Variants in PITPNM1 observed in about 807,000 individuals in gnomAD.
PITPNM1 encodes the protein membrane-associated phosphatidylinositol transfer protein 1.
PITPNM1 carries 74 observed loss-of-function variants against 133.3 expected under a neutral mutation model. The observed-to-expected ratio is 0.56, with a 90% CI of 0.46 to 0.67. The LOEUF (loss-of-function observed/expected upper bound fraction) is 0.67. PITPNM1 is among the 30% of genes least tolerant of loss of function. The pLI is 0.00. For missense variants in PITPNM1, 1,398 were observed against 1,739.5 expected (o/e 0.80, Z 3.49); for synonymous variants, 738 against 741.4 (o/e 1.00, Z 0.08).
chr11:67,502,332 G>A lies in PITPNM1; in HGVS notation c.375C>T (p.Val125=), dbSNP rs1347296935. The A allele has an allele frequency of 4.3e-6, 7 of 1,613,582 alleles. No homozygotes were observed. Among genetic ancestry groups the A allele is most frequent in the Non-Finnish European group, 5.9e-6 (7 of 1,180,038 alleles). The stretch of plus-strand genomic sequence containing the variant: ...TCCTCTCGGCCCCGCTCAGGTTGAA[G>A]ACGTTTGGCTGCTGCCCCCCATCAG... ...YLPDGGQQPN[V]FNLSGAERRQ... The change falls in exon 4 of 24, where the codon GTC becomes GTT. Residue 125 remains valine (V), a synonymous_variant. Transcript: ENST00000356404. The surrounding 1 kb of genome is among the most constrained non-coding windows in gnomAD (Gnocchi z 5.9).
chr11:67,492,812 G>T, intron 23 of PITPNM1, 122 bp downstream of exon 23: 1 of 1,280,368 alleles, frequency 7.8e-7, no homozygotes, highest in Non-Finnish European at 1.1e-6. Context: ...GAGGATCCCA[G>T]GTTCCCTGGA....
In PITPNM1 at chr11:67,500,095, C is replaced by T. The variant is rs1430308761; in HGVS notation, c.967G>A (p.Gly323Arg). The change falls in exon 6 of 24, where the codon GGG (glycine) becomes AGG (arginine). Residue 323 changes from glycine (G) to arginine (R), a missense_variant and splice_region_variant. Physicochemically the swap from Gly to Arg is moderately radical, Grantham distance 125. Around this residue, in one of 5 missense-constraint regions of PITPNM1, gnomAD observed 195 missense variants for 178.8 expected, o/e 1.09. Coordinates refer to ENST00000356404, the MANE Select transcript of PITPNM1 (RefSeq NM_004910.3). ...SRSSYSSQHG[G>R]AVSPQSLSEW... ...TCCCATCCCTGTGCCCCAGCCTCAC[C>T]TCCATGTTGGGATGAGTAGGAGGAA... 4 of 1,597,464 alleles carry T rather than the reference C, an allele frequency of 2.5e-6. No individual in the cohort carries two copies. Among genetic ancestry groups the T allele is most frequent in the Non-Finnish European group, 3.4e-6 (4 of 1,169,030 alleles).
Position 67,496,288 on chromosome 11 carries a change from C to T in PITPNM1, c.2207G>A (p.Cys736Tyr). Residue 736 changes from cysteine to tyrosine, a missense_variant, in exon 15 of 24, where the codon TGC (cysteine) becomes TAC (tyrosine). Around this residue, in one of 5 missense-constraint regions of PITPNM1, gnomAD observed 574 missense variants for 698.7 expected, o/e 0.82. Transcript: ENST00000356404. ...IYNLFHAADP[C>Y]ASRLEPLLAP... is the part of the protein sequence containing the mutation. ...CAGCAGGGGCTCGAGGCGTGAGGCG[C>T]AGGGGTCAGCCGCGTGGAAGAGGTT... is the stretch of plus-strand genomic sequence containing the variant. 1 of 1,577,150 alleles carries T rather than the reference C, an allele frequency of 6.3e-7. No individual in the cohort carries two copies. Among genetic ancestry groups the T allele is most frequent in the Non-Finnish European group, 8.6e-7 (1 of 1,166,612 alleles).
chr11:67,500,247 C>T lies in PITPNM1; in HGVS notation c.815G>A (p.Gly272Glu), dbSNP rs140119237. The T allele has an allele frequency of 3.8e-5, 61 of 1,606,148 alleles. No individual in the cohort carries two copies. Among genetic ancestry groups the T allele is most frequent in the Non-Finnish European group, 4.9e-5 (58 of 1,179,814 alleles). Residue 272 changes from glycine to glutamate, a missense_variant, in exon 6 of 24, where the codon GGG becomes GAG. By Grantham distance (98) the Gly-to-Glu change is moderately conservative. This residue lies in a region of PITPNM1 where 195 missense variants were observed against 178.8 expected (regional missense o/e 1.09). Coordinates refer to ENST00000356404, the MANE Select transcript of PITPNM1 (RefSeq NM_004910.3). Reference sequence around the variant, plus strand: ...AGACCGGGCCTCGGTGCTCGGTTTCCCGGGGGGCTGGGCCTCGGACCCCTC... The same window carrying T: ...AGACCGGGCCTCGGTGCTCGGTTTCTCGGGGGGCTGGGCCTCGGACCCCTC... The part of the protein sequence containing the change: ...GSEGSEAQPP[G>E]KPSTEARSAA...
Position 67,502,726 on chromosome 11 carries a change from C to T in PITPNM1, c.79-8G>A. The T allele has an allele frequency of 6.2e-7, 1 of 1,610,354 alleles. No individual in the cohort carries two copies. The highest frequency in any genetic ancestry group is 8.5e-7 in the Non-Finnish European group (1 of 1,177,672). On this transcript the variant is annotated splice_polypyrimidine_tract_variant and splice_region_variant and intron_variant, in intron 2 of 23. Transcript: ENST00000356404. The surrounding 1 kb of genome is among the most constrained non-coding windows in gnomAD (Gnocchi z 5.9). ...CTCCTCCCGGCTCTTTTTCTGTGGCCCAAGGGAGAGCAGGACAGGGAGCTC... is the reference window on the plus strand; with the variant it reads ...CTCCTCCCGGCTCTTTTTCTGTGGCTCAAGGGAGAGCAGGACAGGGAGCTC...
rs1288352820 is a variant in PITPNM1, at chr11:67,498,754, G to A, written c.1326C>T (p.Gly442=). The A allele has an allele frequency of 2.5e-6, 4 of 1,611,670 alleles. No individual in the cohort carries two copies. Among genetic ancestry groups the A allele is most frequent in the Non-Finnish European group, 3.4e-6 (4 of 1,179,998 alleles). Residue 442 remains glycine (G), a synonymous_variant, in exon 10 of 24, where the codon GGC becomes GGT. Transcript: ENST00000356404. The surrounding 1 kb of genome is among the most constrained non-coding windows in gnomAD (Gnocchi z 5.7). ...ILHSGNILDS[G]PGDANSKQAD... is the part of the protein sequence containing the mutation. ...CCTGCTTGGAGTTGGCGTCTCCAGGGCCTGAGTCCAGGATGTTGCCGCTGT... is the reference window on the plus strand; with the variant it reads ...CCTGCTTGGAGTTGGCGTCTCCAGGACCTGAGTCCAGGATGTTGCCGCTGT...
rs747114421 is a variant in PITPNM1, at chr11:67,502,001, C to T, written c.501G>A (p.Thr167=). The change falls in exon 5 of 24, where the codon ACG becomes ACA. Residue 167 remains threonine (T), a synonymous_variant. Coordinates refer to ENST00000356404, the MANE Select transcript of PITPNM1 (RefSeq NM_004910.3). The surrounding 1 kb of genome is among the most constrained non-coding windows in gnomAD (Gnocchi z 5.9). ...EDPRLYHSVK[T]GRGPLSDDWA... Reference sequence around the variant, plus strand: ...AGTCATCAGACAGTGGCCCTCGGCCCGTCTTGACCGAGTGATAAAGCCGGG... The same window carrying T: ...AGTCATCAGACAGTGGCCCTCGGCCTGTCTTGACCGAGTGATAAAGCCGGG... The T allele has an allele frequency of 8.2e-5, 132 of 1,613,344 alleles. No homozygotes were observed. Among genetic ancestry groups the T allele is most frequent in the Non-Finnish European group, 1.1e-4 (129 of 1,180,030 alleles).
intron 19 of PITPNM1, 29 bp downstream of exon 19, chr11:67,494,215 A>C (rs773138882): frequency 6.3e-7 from 1 of 1,596,042 alleles, no homozygotes; most frequent in East Asian, 2.2e-5. Context: ...GGGCCATGGG[A>C]CCAGGCGACA....
Position 67,493,777 on chromosome 11 carries a change from C to A in PITPNM1, c.3069G>T (p.Val1023=). 1 of 1,550,064 alleles carries A rather than the reference C, an allele frequency of 6.5e-7. No individual in the cohort carries two copies. Among genetic ancestry groups the A allele is most frequent in the Non-Finnish European group, 8.7e-7 (1 of 1,147,866 alleles). Residue 1023 remains valine, a synonymous_variant, in exon 21 of 24, where the codon GTG becomes GTT. Coordinates refer to ENST00000356404, the MANE Select transcript of PITPNM1 (RefSeq NM_004910.3). ...LTVVARGTEA[V]VFSIDGSFTA... Reference sequence around the variant, plus strand: ...TGAAGGAGCCGTCGATGCTGAAGACCACAGCCTCCGTGCCGCGGGCCACCA... The same window carrying A: ...TGAAGGAGCCGTCGATGCTGAAGACAACAGCCTCCGTGCCGCGGGCCACCA...
rs773541820 is a variant in PITPNM1, at chr11:67,498,083, A to G, written c.1674+50T>C. The stretch of plus-strand genomic sequence containing the variant: ...CTTGTCCTCACCCAGGCCAGACTAC[A>G]GTGGGGGCTGCAGTGGAGGGCAGCA... On this transcript the variant is annotated intron_variant, in intron 11 of 23. Coordinates refer to ENST00000356404, the MANE Select transcript of PITPNM1 (RefSeq NM_004910.3). The surrounding 1 kb of genome is among the most constrained non-coding windows in gnomAD (Gnocchi z 5.7). 35 of 1,609,222 alleles carry G rather than the reference A, an allele frequency of 2.2e-5. No individual in the cohort carries two copies. The highest frequency in any genetic ancestry group is 3.0e-5 in the Non-Finnish European group (35 of 1,178,976).
Position 67,496,314 on chromosome 11 carries a change from G to A in PITPNM1, c.2181C>T (p.Tyr727=). 6.3e-7 allele frequency: 1 copy of A among 1,585,712 alleles called. No homozygotes were observed. Among genetic ancestry groups the A allele is most frequent in the East Asian group, 2.4e-5 (1 of 41,912 alleles). Residue 727 remains tyrosine, a synonymous_variant, in exon 15 of 24, where the codon TAC becomes TAT. Transcript: ENST00000356404. ...AGGGGTCAGCCGCGTGGAAGAGGTT[G>A]TAGATCTGTTCACAGGCTGGGCGCA... ...AQMRPACEQI[Y]NLFHAADPCA...
chr11:67,496,971 G>A lies in PITPNM1; in HGVS notation c.2146+260C>T, dbSNP rs190095702. 394 of 354,548 alleles carry A rather than the reference G, an allele frequency of 1.1e-3. 2 individuals are homozygous for A. The highest frequency in any genetic ancestry group is 8.0e-3 in the African/African-American group (375 of 47,038). 22.0% of individuals were successfully genotyped at this position (354,548 alleles called of 1,614,324 possible). A position where few individuals can be genotyped will look rare whatever the true frequency, so the allele number is the denominator to read the frequency against. On this transcript the variant is annotated intron_variant, in intron 14 of 23. Coordinates refer to ENST00000356404, the MANE Select transcript of PITPNM1 (RefSeq NM_004910.3). ...AGGCTGAGAAGAGGGCAGCGGCTTC[G>A]ATTTGCTGCTGTGGTGTCTGATTGA...
At position 67,494,380 on chromosome 11, in the gene PITPNM1, T is replaced by G; in HGVS notation, c.2743-20A>C. ...GACGTTCTAGAGGGAGGAGAGGGCGTGAGTCCGCGGCCAGCAAAGGATGGG... is the reference window on the plus strand; with the variant it reads ...GACGTTCTAGAGGGAGGAGAGGGCGGGAGTCCGCGGCCAGCAAAGGATGGG... On this transcript the variant is annotated intron_variant, in intron 18 of 23. Coordinates refer to ENST00000356404, the MANE Select transcript of PITPNM1 (RefSeq NM_004910.3). The G allele has an allele frequency of 1.1e-5, 17 of 1,544,798 alleles. No individual in the cohort carries two copies. Among genetic ancestry groups the G allele is most frequent in the Non-Finnish European group, 1.5e-5 (17 of 1,140,988 alleles).
chr11:67,502,095 G>C lies in PITPNM1; in HGVS notation c.416-9C>G. ...CACGATGTCGATGGTGTCTGAGGGA[G>C]TTCGGCAAGCATTGAGCAGCGCCAG... On this transcript the variant is annotated splice_polypyrimidine_tract_variant and intron_variant, in intron 4 of 23. Coordinates refer to ENST00000356404, the MANE Select transcript of PITPNM1 (RefSeq NM_004910.3). This position sits in a 1 kb window ranked among gnomAD's most constrained non-coding sequence, Gnocchi z 5.9. 1 of 1,608,652 alleles carries C rather than the reference G, an allele frequency of 6.2e-7. No individual in the cohort carries two copies. Among genetic ancestry groups the C allele is most frequent in the South Asian group, 1.1e-5 (1 of 90,918 alleles).
chr11:67,494,422 G>C, intron 18 of PITPNM1, 62 bp from the exon 19 acceptor site: 1 of 1,195,308 alleles, frequency 8.4e-7, no homozygotes, highest in Non-Finnish European at 1.2e-6. Context: ...TGGGGAGGGG[G>C]AGCGGGTGAG....
At chr11:67,500,977 TTAG>T (rs1202154375) in intron 5 of PITPNM1, among the ~76,000 whole-genome samples, 1 of 152,238 alleles carries the variant, frequency 6.6e-6, no homozygotes, top group Non-Finnish European at 1.5e-5. Context: ...TATTGGAATC[TTAG>T]TAGTGGCTAT....
In PITPNM1 at chr11:67,495,454, G is replaced by A. The variant is rs762696374; in HGVS notation, c.2466C>T (p.Thr822=). Residue 822 remains threonine, a synonymous_variant, in exon 16 of 24, where the codon ACC becomes ACT. Coordinates refer to ENST00000356404, the MANE Select transcript of PITPNM1 (RefSeq NM_004910.3). ...CTGACTTACTCTTAACCACCTCACT[G>A]GTGGTGCTGGGGGCGGCTGGCTGGG... ...PPAQPAAPST[T]SEVVKILERW... is the part of the protein sequence containing the mutation. 17 of 1,531,688 alleles carry A rather than the reference G, an allele frequency of 1.1e-5. No individual in the cohort carries two copies. In the Admixed American group the frequency reaches 3.7e-4, roughly 34 times the overall value. 94.9% of individuals were successfully genotyped at this position (1,531,688 alleles called of 1,614,324 possible).
Position 67,496,298 on chromosome 11 carries a change from C to T in PITPNM1, c.2197G>A (p.Ala733Thr). 1 of 1,581,234 alleles carries T rather than the reference C, an allele frequency of 6.3e-7. No homozygotes were observed. Among genetic ancestry groups the T allele is most frequent in the Admixed American group, 1.9e-5 (1 of 53,896 alleles). Reference protein sequence around the residue: ...CEQIYNLFHAADPCASRLEPL... With the variant: ...CEQIYNLFHATDPCASRLEPL... ...TCGAGGCGTGAGGCGCAGGGGTCAG[C>T]CGCGTGGAAGAGGTTGTAGATCTGT... is the stretch of plus-strand genomic sequence containing the variant. Residue 733 changes from alanine (A) to threonine (T), a missense_variant, in exon 15 of 24, where the codon GCT becomes ACT. This residue lies in a region of PITPNM1 where 574 missense variants were observed against 698.7 expected (regional missense o/e 0.82). Coordinates refer to ENST00000356404, the MANE Select transcript of PITPNM1 (RefSeq NM_004910.3).
intron 23 of PITPNM1, 98 bp from the exon 24 acceptor site, chr11:67,492,394 CTGG>C: frequency 1.6e-6 from 2 of 1,283,882 alleles, no homozygotes; most frequent in Non-Finnish European, 2.1e-6. Context: ...GGCTGGGGGA[CTGG>C]TGGCAGGCTT....
Sources: allele counts gnomAD v4.1 joint callset (sites outside exome capture counted in the v4.1 genomes callset), GRCh38; gene constraint gnomAD v4.1.1; regional missense constraint gnomAD v4.1.1; non-coding constraint Gnocchi (gnomAD v3.1); transcripts MANE v1.5; gene names NCBI Gene and HGNC (gene_info 2026-07-23, HGNC 2026-07-21).